The following USP24 variants were observed in gnomAD, a reference collection of about 807,000 sequenced individuals.
USP24 encodes ubiquitin carboxyl-terminal hydrolase 24.
A neutral mutation model predicts 361.6 loss-of-function variants in USP24; 97 were observed. The ratio of observed to expected loss-of-function variants is 0.27; its 90% CI spans 0.23 to 0.32. The LOEUF (loss-of-function observed/expected upper bound fraction) is 0.32, where lower values mean the gene tolerates loss of function less well. Ranked by LOEUF, USP24 falls within the 10% of genes least tolerant of loss-of-function variation. The pLI is 1.00. For missense variants in USP24, 2,353 were observed against 3,165.6 expected, an observed-to-expected ratio of 0.74 and a Z score of 6.16; for synonymous variants, 1,098 against 1,124.6, an observed-to-expected ratio of 0.98 and a Z score of 0.47.
At chr1:55,214,567 T>C (rs529295972) in intron 1 of USP24, among the ~76,000 whole-genome samples, 14 of 151,914 alleles carry the variant, frequency 9.2e-5, no homozygotes, top group African/African-American at 3.1e-4. Flanking sequence ...CCTAATTCCC[T>C]TTCACACGCC....
intron 5 of USP24, 113 bp from the exon 6 acceptor site, chr1:55,166,716 A>G: frequency 1.8e-6 from 2 of 1,082,928 alleles, no homozygotes; most frequent in Non-Finnish European, 2.6e-6. Context: ...AAAGTTTGGA[A>G]ACTATTTTCA....
At chr1:55,085,551 A>C (rs1425120424) in intron 56 of USP24, among the ~76,000 whole-genome samples, 3 of 152,246 alleles carry the variant, frequency 2.0e-5, no homozygotes, top group Non-Finnish European at 4.4e-5. Flanking sequence ...GGTTTAGATC[A>C]GGAAAATAGC....
At chr1:55,123,825 C>T (rs1325955205) in intron 35 of USP24, among the ~76,000 whole-genome samples, 1 of 152,176 alleles carries the variant, frequency 6.6e-6, no homozygotes, top group African/African-American at 2.4e-5. Context: ...CAAGGCAAAA[C>T]TAATTTCAGG....
chr1:55,080,985 G>T (rs1281409352), intron 59 of USP24, among the ~76,000 whole-genome samples: 1 of 152,080 alleles, frequency 6.6e-6, no homozygotes, highest in East Asian at 1.9e-4. Flanking sequence ...GAAACTAGGA[G>T]ACTCCAGCCC....
intron 9 of USP24, 100 bp from the exon 10 acceptor site, chr1:55,159,136 G>A: frequency 9.3e-7 from 1 of 1,077,372 alleles, no homozygotes; most frequent in Non-Finnish European, 1.2e-6. Flanking sequence ...ACAGTGGTCT[G>A]GCAGTATCTG....
At chr1:55,117,329 A>G (rs1015487980) in intron 38 of USP24, among the ~76,000 whole-genome samples, 3 of 152,244 alleles carry the variant, frequency 2.0e-5, no homozygotes, top group Non-Finnish European at 4.4e-5. Flanking sequence ...CAGCCAGAGC[A>G]ATTAGGCAAG....
At chr1:55,175,489 G>A (rs1649887963) in intron 3 of USP24, among the ~76,000 whole-genome samples, 1 of 152,074 alleles carries the variant, frequency 6.6e-6, no homozygotes, top group African/African-American at 2.4e-5. Flanking sequence ...GCCTCCCAAG[G>A]TGCTGGGATT....
chr1:55,106,480 G>C (rs561489093), intron 40 of USP24, among the ~76,000 whole-genome samples: 11 of 152,262 alleles, frequency 7.2e-5, no homozygotes, highest in African/African-American at 2.6e-4. Context: ...GGCAGGTGAG[G>C]GTGTGTTCCT....
intron 1 of USP24, among the ~76,000 whole-genome samples, chr1:55,194,975 G>A (rs374528672): frequency 9.2e-5 from 14 of 151,876 alleles, no homozygotes; most frequent in Admixed American, 4.6e-4. Flanking sequence ...CACCACTCCC[G>A]TGCCCCCTCC....
rs1028960222 is a variant in USP24, at chr1:55,138,640, A to G, written c.2896T>C (p.Tyr966His). Residue 966 changes from tyrosine (Y) to histidine (H), a missense_variant, in exon 26 of 68, where the codon TAT (tyrosine) becomes CAT (histidine). Around this residue, in one of 8 missense-constraint regions of USP24, gnomAD observed 949 missense variants for 1,280.5 expected, o/e 0.74. Coordinates refer to ENST00000294383, the MANE Select transcript of USP24 (RefSeq NM_015306.3). The stretch of plus-strand genomic sequence containing the variant: ...GTGAAGGTATCTTTGGTAGACTCAT[A>G]GGTAACATTAAGGGTTAAAAGATGT... ...HGHLLTLNVT[Y>H]ESTKDTFTVE... 5 of 1,612,572 alleles carry G rather than the reference A, an allele frequency of 3.1e-6. No individual in the cohort carries two copies. The highest frequency in any genetic ancestry group is 1.3e-5 in the African/African-American group (1 of 74,872).
chr1:55,157,083 A>G (rs762786527), intron 11 of USP24, 32 bp from the exon 12 acceptor site: 1 of 1,548,386 alleles, frequency 6.5e-7, no homozygotes, highest in Non-Finnish European at 8.9e-7. Flanking sequence ...AGAAAGTCAG[A>G]TATAGTGAAC....
At chr1:55,206,684 G>A (rs1236944274) in intron 1 of USP24, among the ~76,000 whole-genome samples, 2 of 151,004 alleles carry the variant, frequency 1.3e-5, no homozygotes, top group African/African-American at 4.9e-5. Flanking sequence ...GGGTCGGGGG[G>A]GCATGAGCCA....
At chr1:55,188,210 T>C (rs943291423) in intron 1 of USP24, among the ~76,000 whole-genome samples, 1 of 152,020 alleles carries the variant, frequency 6.6e-6, no homozygotes, top group Non-Finnish European at 1.5e-5. Flanking sequence ...GACAACTGAA[T>C]ATACACAAGC....
At chr1:55,094,174 G>A in intron 51 of USP24, 87 bp from the exon 52 acceptor site, 6 of 1,320,020 alleles carry the variant, frequency 4.5e-6, no homozygotes, top group Non-Finnish European at 6.2e-6. Flanking sequence ...CACATAAACG[G>A]GTATTAGACT....
chr1:55,153,312 C>G (rs1267463250), intron 16 of USP24, among the ~76,000 whole-genome samples: 1 of 152,210 alleles, frequency 6.6e-6, no homozygotes, highest in Non-Finnish European at 1.5e-5. Flanking sequence ...AACCTACAGT[C>G]CCAGTCCCTC....
intron 9 of USP24, 129 bp from the exon 10 acceptor site, chr1:55,159,165 T>C: frequency 1.2e-5 from 10 of 834,782 alleles, no homozygotes; most frequent in Non-Finnish European, 1.5e-5. Context: ...CAAGGCCAAT[T>C]AACTTCATTT....
At chr1:55,075,329 T>C in intron 63 of USP24, 128 bp downstream of exon 63, 3 of 850,398 alleles carry the variant, frequency 3.5e-6, no homozygotes, top group South Asian at 1.8e-5. Flanking sequence ...CCAGTGGCCC[T>C]GACCAGACTT....
rs77841924 is a variant in USP24 at position 55,202,331 on chromosome 1, A to C, written c.324+12459T>G. On this transcript the variant is annotated intron_variant, in intron 1 of 67. Transcript: ENST00000294383. The stretch of plus-strand genomic sequence containing the variant: ...CGAAAAGGCTATTTTAAGAAACTAA[A>C]CAATACACATCTGAAACAGAAAAGT... Among the ~76,000 whole-genome samples, 1,489 of 152,288 alleles carry C rather than the reference A, an allele frequency of 9.8e-3. 10 individuals carry two copies. The highest frequency in any genetic ancestry group is 0.014 in the Non-Finnish European group (949 of 68,024).
chr1:55,182,760 G>T (rs1218835646), intron 1 of USP24, among the ~76,000 whole-genome samples: 2 of 152,038 alleles, frequency 1.3e-5, no homozygotes, highest in African/African-American at 4.8e-5. Flanking sequence ...TGTCACCCAG[G>T]CTGGAGTGCA....
Sources: gnomAD v4.1 joint callset for allele counts (sites outside exome capture counted in the v4.1 genomes callset) on GRCh38, gnomAD v4.1.1 for gene constraint, gnomAD v4.1.1 regional missense constraint, MANE v1.5 for transcripts, NCBI Gene and HGNC (gene_info 2026-07-23, HGNC 2026-07-21) for gene names.